Variants in AZGP1 observed in about 807,000 individuals in gnomAD.
AZGP1 encodes the protein zinc-alpha-2-glycoprotein.
AZGP1 carries 28 observed loss-of-function variants against 31.5 expected under a neutral mutation model. The observed-to-expected ratio is 0.89, with a 90% CI of 0.66 to 1.22. The LOEUF is 1.22. Ranked by LOEUF, AZGP1 falls within the 50% of genes most tolerant of loss-of-function variation. The pLI is 0.00. For missense variants in AZGP1, 361 were observed against 371.8 expected, an observed-to-expected ratio of 0.97 and a Z score of 0.24; for synonymous variants, 135 against 145.4, an observed-to-expected ratio of 0.93 and a Z score of 0.51.
chr7:99,968,212 ACTC>A lies in AZGP1; in HGVS notation c.553_555del (p.Glu185del), dbSNP rs1432384174. On this transcript the variant is annotated inframe_deletion, in exon 3 of 4. Transcript: ENST00000292401. ...AGGTATTTCCGCAGAGTCGCAGGGC[ACTC>A]CTCCTCCAGGTAAGCCTTGGCCCGC... 6.2e-7 allele frequency: 1 copy of A among 1,612,560 alleles called. No individual in the cohort carries two copies. The highest frequency in any genetic ancestry group is 8.5e-7 in the Non-Finnish European group (1 of 1,179,740).
In AZGP1 at chr7:99,968,280, A is replaced by C; in HGVS notation, c.488T>G (p.Ile163Arg). Reference protein sequence around the residue: ...AWVPFDPAAQITKQKWEAEPV... With the variant: ...AWVPFDPAAQRTKQKWEAEPV... ...TTCTGCCTCCCACTTCTGCTTGGTT[A>C]TCTGGGCTGCTGGGTCGAAGGGGAC... Residue 163 changes from isoleucine (I) to arginine (R), a missense_variant, in exon 3 of 4, where the codon ATA (isoleucine) becomes AGA (arginine). By Grantham distance (97) the Ile-to-Arg change is moderately conservative. Coordinates refer to ENST00000292401, the MANE Select transcript of AZGP1 (RefSeq NM_001185.4). 1 of 1,613,620 alleles carries C rather than the reference A, an allele frequency of 6.2e-7. No homozygotes were observed. The highest frequency in any genetic ancestry group is 1.1e-5 in the South Asian group (1 of 91,046).
intron 2 of AZGP1, 157 bp from the exon 3 acceptor site, chr7:99,968,587 A>G: frequency 1.1e-6 from 1 of 911,000 alleles, no homozygotes; most frequent in Non-Finnish European, 1.7e-6. Flanking sequence ...TTATTACTCC[A>G]ATATATACAA....
intron 1 of AZGP1, among the ~76,000 whole-genome samples, chr7:99,974,919 A>G (rs1306274429): frequency 6.6e-6 from 1 of 152,170 alleles, no homozygotes; most frequent in Non-Finnish European, 1.5e-5. Flanking sequence ...CTAAAGAGGA[A>G]AGAATTCTGC....
chr7:99,967,832 A>T (rs936845487), intron 3 of AZGP1: 9 of 551,112 alleles, frequency 1.6e-5, no homozygotes, highest in Non-Finnish European at 2.2e-5. Context: ...CTGGAATTTG[A>T]GTCCCAGCTC....
chr7:99,968,310 G>C lies in AZGP1; in HGVS notation c.458C>G (p.Ala153Gly), dbSNP rs1432974264. Reference sequence around the variant, plus strand: ...GGCTGCTGGGTCGAAGGGGACCCAGGCTGGGATTTCTTTGTTGAATTCAAT... The same window carrying C: ...GGCTGCTGGGTCGAAGGGGACCCAGCCTGGGATTTCTTTGTTGAATTCAAT... ...DYIEFNKEIPAWVPFDPAAQI... is the reference protein window; with the variant it reads ...DYIEFNKEIPGWVPFDPAAQI... Residue 153 changes from alanine to glycine, a missense_variant, in exon 3 of 4, where the codon GCC becomes GGC. Coordinates refer to ENST00000292401, the MANE Select transcript of AZGP1 (RefSeq NM_001185.4). 2.5e-6 allele frequency: 4 copies of C among 1,613,690 alleles called. No individual in the cohort carries two copies. The highest frequency in any genetic ancestry group is 1.6e-4 in the Middle Eastern group (1 of 6,062).
chr7:99,972,934 G>T (rs1789604372), intron 1 of AZGP1, among the ~76,000 whole-genome samples: 1 of 152,150 alleles, frequency 6.6e-6, no homozygotes, highest in Non-Finnish European at 1.5e-5. Context: ...TGGCTAACAT[G>T]GTGAAACCCC....
At chr7:99,975,796 T>A (rs1789651653) in intron 1 of AZGP1, 149 bp downstream of exon 1, 1 of 787,830 alleles carries the variant, frequency 1.3e-6, no homozygotes, top group Non-Finnish European at 2.2e-6. Flanking sequence ...TGGAAGTGTG[T>A]GAGCTGAGGG....
chr7:99,970,709 T>G (rs1212208769), intron 2 of AZGP1, among the ~76,000 whole-genome samples: 2 of 152,106 alleles, frequency 1.3e-5, no homozygotes, highest in African/African-American at 4.8e-5. Context: ...CCATTTTCCT[T>G]ACCAAGACCT....
In AZGP1 at chr7:99,968,438, C is replaced by T; in HGVS notation, c.338-8G>A. 6.2e-7 allele frequency: 1 copy of T among 1,612,040 alleles called. No homozygotes were observed. The highest frequency in any genetic ancestry group is 8.5e-7 in the Non-Finnish European group (1 of 1,179,604). ...CCTGCAATACGTGAGACCCTGAAAACTCCCCCGACCCCACAGAGAGACAGT... is the reference window on the plus strand; with the variant it reads ...CCTGCAATACGTGAGACCCTGAAAATTCCCCCGACCCCACAGAGAGACAGT... On this transcript the variant is annotated splice_region_variant and splice_polypyrimidine_tract_variant and intron_variant, in intron 2 of 3. Coordinates refer to ENST00000292401, the MANE Select transcript of AZGP1 (RefSeq NM_001185.4).
At chr7:99,975,116 T>C (rs1421141692) in intron 1 of AZGP1, among the ~76,000 whole-genome samples, 1 of 152,116 alleles carries the variant, frequency 6.6e-6, no homozygotes, top group Non-Finnish European at 1.5e-5. Flanking sequence ...TGTGTGTGTG[T>C]ATCCATGTGT....
At chr7:99,969,499 GA>G (rs1428913007) in intron 2 of AZGP1, among the ~76,000 whole-genome samples, 1 of 151,416 alleles carries the variant, frequency 6.6e-6, no homozygotes, top group African/African-American at 2.4e-5. Flanking sequence ...AGAATCCCTT[GA>G]ACCCAGGAGG....
chr7:99,967,976 TC>T (rs1189558771), intron 3 of AZGP1, 178 bp downstream of exon 3: 2 of 932,642 alleles, frequency 2.1e-6, no homozygotes, highest in Non-Finnish European at 3.2e-6. Flanking sequence ...TTGATGATGT[TC>T]TTTTTGGACC....
rs1200088915 is a variant in AZGP1 at position 99,966,904 on chromosome 7, T to A, written c.*99A>T. 10 of 1,488,602 alleles carry A rather than the reference T, an allele frequency of 6.7e-6. No individual in the cohort carries two copies. The South Asian group carries it at 9.0e-5, about 13-fold the overall frequency. 92.2% of individuals were successfully genotyped at this position (1,488,602 alleles called of 1,614,324 possible). A position where few individuals can be genotyped will look rare whatever the true frequency, so the allele number is the denominator to read the frequency against. Reference sequence around the variant, plus strand: ...CCCCCACACTGCTCCTCAGGCCTTGTGGATCCATTGACTGTGATTTCTGTG... The same window carrying A: ...CCCCCACACTGCTCCTCAGGCCTTGAGGATCCATTGACTGTGATTTCTGTG... On this transcript the variant is annotated 3_prime_UTR_variant, in exon 4 of 4. Transcript: ENST00000292401.
intron 1 of AZGP1, among the ~76,000 whole-genome samples, chr7:99,975,494 G>A (rs1789646377): frequency 6.6e-6 from 1 of 152,084 alleles, no homozygotes; most frequent in African/African-American, 2.4e-5. Context: ...TGGGATTTGG[G>A]CACGGGTTTC....
chr7:99,972,498 G>A (rs1426849597), intron 1 of AZGP1, among the ~76,000 whole-genome samples: 1 of 152,194 alleles, frequency 6.6e-6, no homozygotes, highest in African/African-American at 2.4e-5. Context: ...AGTGTGCATG[G>A]AATCTGACAT....
intron 2 of AZGP1, chr7:99,968,734 G>A (rs1789532132): frequency 1.9e-5 from 7 of 369,812 alleles, no homozygotes; most frequent in Non-Finnish European, 2.4e-5. Context: ...AAGCTGAAGC[G>A]AGTGGATCGC....
chr7:99,969,772 A>C (rs1198116640), intron 2 of AZGP1, among the ~76,000 whole-genome samples: 3 of 152,118 alleles, frequency 2.0e-5, no homozygotes, highest in Non-Finnish European at 4.4e-5. Context: ...TTTTTCTCTC[A>C]GTTCTAGGAA....
chr7:99,971,858 T>G lies in AZGP1; in HGVS notation c.225A>C (p.Arg75Ser), dbSNP rs1335953342. The G allele has an allele frequency of 6.2e-7, 1 of 1,614,138 alleles. No individual in the cohort carries two copies. Among genetic ancestry groups the G allele is most frequent in the South Asian group, 1.1e-5 (1 of 91,078 alleles). The change falls in exon 2 of 4, where the codon AGA becomes AGC. Residue 75 changes from arginine (R) to serine (S), a missense_variant. Coordinates refer to ENST00000292401, the MANE Select transcript of AZGP1 (RefSeq NM_001185.4). ...TCCAATCCTCCATTCCTTCCACCTG[T>G]CTCCAGAGTCCCATGGGCTGAGACT... is the stretch of plus-strand genomic sequence containing the variant. ...DRKSQPMGLWRQVEGMEDWKQ... is the reference protein window; with the variant it reads ...DRKSQPMGLWSQVEGMEDWKQ...
At chr7:99,971,602 T>C (rs2074567) in intron 2 of AZGP1, 144 bp downstream of exon 2, 418,580 of 1,043,894 alleles carry the variant, frequency 0.4, 87,131 homozygotes, top group East Asian at 0.64. Flanking sequence ...GGGTGGGATG[T>C]GGACATGTCT....
Sources: gnomAD v4.1 joint callset for allele counts (sites outside exome capture counted in the v4.1 genomes callset) on GRCh38, gnomAD v4.1.1 for gene constraint, MANE v1.5 for transcripts, NCBI Gene and HGNC (gene_info 2026-07-23, HGNC 2026-07-21) for gene names.